The following PLEKHA5 variants were observed in gnomAD, a reference collection of about 807,000 sequenced individuals.
PLEKHA5 encodes pleckstrin homology domain-containing family A member 5.
A neutral mutation model predicts 181.9 loss-of-function variants in PLEKHA5; 55 were observed. The observed-to-expected ratio is 0.30, with a 90% CI of 0.24 to 0.38. The LOEUF is 0.38. Ranked by LOEUF, PLEKHA5 falls within the 10% of genes least tolerant of loss-of-function variation. PLEKHA5 has a pLI of 1.00. For synonymous variants in PLEKHA5, 535 were observed against 529.4 expected, an observed-to-expected ratio of 1.01 and a Z score of -0.15; for missense variants, 1,432 against 1,549.5, an observed-to-expected ratio of 0.92 and a Z score of 1.27.
intron 25 of PLEKHA5, 131 bp downstream of exon 25, chr12:19,348,650 T>C (rs1592587772): frequency 9.2e-6 from 5 of 544,456 alleles, no homozygotes; most frequent in Non-Finnish European, 1.5e-5. Context: ...ACCTTTGGAC[T>C]CTGATGAGTT....
At chr12:19,150,211 G>A (rs1203157222) in intron 3 of PLEKHA5, 1 of 152,182 alleles carries the variant, frequency 6.6e-6, no homozygotes. Flanking sequence ...CCTAACTCCT[G>A]TAGAATAGAG....
intron 7 of PLEKHA5, among the ~76,000 whole-genome samples, chr12:19,265,071 T>C (rs1484057505): frequency 6.6e-6 from 1 of 152,230 alleles, no homozygotes; most frequent in East Asian, 1.9e-4. Flanking sequence ...TATATCAGAA[T>C]GATTAGTAAA....
At chr12:19,348,545 T>C (rs2094443668) in intron 25 of PLEKHA5, 26 bp downstream of exon 25, 2 of 1,522,772 alleles carry the variant, frequency 1.3e-6, no homozygotes, top group African/African-American at 1.4e-5. Flanking sequence ...ATGTTTTACC[T>C]CTTGGTTTTT....
At chr12:19,306,534 C>CGAGCAGCGCCGT in intron 15 of PLEKHA5, 1 of 745,280 alleles carries the variant, frequency 1.3e-6, no homozygotes, top group Non-Finnish European at 2.5e-6. Context: ...GAGAACGCCG[C>CGAGCAGCGCCGT]GAGCAGCGCC....
At chr12:19,278,150 A>T (rs1043764097) in intron 11 of PLEKHA5, among the ~76,000 whole-genome samples, 3 of 152,222 alleles carry the variant, frequency 2.0e-5, no homozygotes, top group African/African-American at 7.2e-5. Flanking sequence ...TAATAATTTA[A>T]TTTTTAATTA....
intron 3 of PLEKHA5, among the ~76,000 whole-genome samples, chr12:19,215,273 G>T (rs113990450): frequency 2.0e-5 from 3 of 152,056 alleles, no homozygotes; most frequent in Non-Finnish European, 2.9e-5. Context: ...GCTGGTTTAG[G>T]TTAGCCAGCT....
intron 10 of PLEKHA5, among the ~76,000 whole-genome samples, chr12:19,273,091 T>C (rs2073477143): frequency 6.6e-6 from 1 of 152,070 alleles, no homozygotes; most frequent in African/African-American, 2.4e-5. Context: ...TTATTTTTCG[T>C]AGAGACGGGG....
chr12:19,285,446 A>G lies in PLEKHA5; in HGVS notation c.1779+1701A>G, dbSNP rs145155032. 1.9e-4 allele frequency among the ~76,000 whole-genome samples: 29 copies of G among 152,284 alleles called. No individual in the cohort carries two copies. In the East Asian group the frequency reaches 5.0e-3, roughly 26 times the overall value. ...AATTGCCAAATTTTTCTTTCAAACT[A>G]TCCTATCCTCTTCCTTGATCTAGAT... On this transcript the variant is annotated intron_variant, in intron 12 of 31. Transcript: ENST00000429027.
intron 7 of PLEKHA5, 129 bp downstream of exon 7, chr12:19,261,150 A>T: frequency 2.0e-6 from 1 of 509,888 alleles, no homozygotes; most frequent in Non-Finnish European, 3.5e-6. Flanking sequence ...TATCAAACAG[A>T]TTTTTTCTCC....
intron 11 of PLEKHA5, among the ~76,000 whole-genome samples, chr12:19,279,234 AT>A (rs2075407680): frequency 6.6e-6 from 1 of 152,154 alleles, no homozygotes; most frequent in African/African-American, 2.4e-5. Flanking sequence ...TCGTGGCAAA[AT>A]TTAAAAATAG....
At chr12:19,223,065 A>G (rs1464657965) in intron 3 of PLEKHA5, among the ~76,000 whole-genome samples, 1 of 143,886 alleles carries the variant, frequency 6.9e-6, no homozygotes, top group Non-Finnish European at 1.5e-5. Flanking sequence ...ATAGCTTTGC[A>G]GTTAGGCAGG....
chr12:19,372,230 A>C (rs1273309407), intron 31 of PLEKHA5: 3 of 151,930 alleles, frequency 2.0e-5, no homozygotes, highest in African/African-American at 7.3e-5. Context: ...CGATCTCTTG[A>C]CCTCATGATC....
intron 3 of PLEKHA5, among the ~76,000 whole-genome samples, chr12:19,249,238 A>G (rs1374785414): frequency 6.6e-6 from 1 of 152,214 alleles, no homozygotes; most frequent in East Asian, 1.9e-4. Flanking sequence ...GCATGCCAGC[A>G]TCACTAGTCT....
chr12:19,363,358 C>G (rs1000299362), intron 29 of PLEKHA5, among the ~76,000 whole-genome samples: 1 of 151,268 alleles, frequency 6.6e-6, no homozygotes, highest in African/African-American at 2.4e-5. Flanking sequence ...TTAGTAGAGA[C>G]GGGGTTTCAC....
chr12:19,291,479 A>G (rs1309746888), intron 14 of PLEKHA5, among the ~76,000 whole-genome samples, 165 bp from the exon 15 acceptor site: 2 of 152,218 alleles, frequency 1.3e-5, no homozygotes, highest in African/African-American at 4.8e-5. Flanking sequence ...GTAATTTAAT[A>G]TGTCAGCGGT....
chr12:19,162,400 G>A (rs751532529), intron 3 of PLEKHA5, among the ~76,000 whole-genome samples: 10 of 152,022 alleles, frequency 6.6e-5, no homozygotes, highest in Non-Finnish European at 1.5e-5. Context: ...TATTTATTGG[G>A]TGCTTTTTAT....
At chr12:19,241,927 G>A (rs2062693903) in intron 3 of PLEKHA5, among the ~76,000 whole-genome samples, 2 of 152,228 alleles carry the variant, frequency 1.3e-5, no homozygotes, top group South Asian at 4.1e-4. Context: ...TGGCAAATTA[G>A]TGTGTACATT....
intron 26 of PLEKHA5, among the ~76,000 whole-genome samples, 155 bp downstream of exon 26, chr12:19,354,157 T>TTTTTTC (rs1467396150): frequency 8.9e-6 from 1 of 112,744 alleles, no homozygotes; most frequent in Non-Finnish European, 1.9e-5. Context: ...TTTTTTTTTT[T>TTTTTTC]TTTTTTTTTT....
At chr12:19,327,790 G>A (rs904279630) in intron 20 of PLEKHA5, among the ~76,000 whole-genome samples, 3 of 151,826 alleles carry the variant, frequency 2.0e-5, no homozygotes, top group Non-Finnish European at 4.4e-5. Flanking sequence ...GATTGTAAAT[G>A]CCCGCTACCA....
Sources: allele counts gnomAD v4.1 joint callset (sites outside exome capture counted in the v4.1 genomes callset), GRCh38; gene constraint gnomAD v4.1.1; transcripts MANE v1.5; gene names NCBI Gene and HGNC (gene_info 2026-07-23, HGNC 2026-07-21).